Variants in PRKACB observed in about 807,000 individuals in gnomAD.
PRKACB encodes cAMP-dependent protein kinase catalytic subunit beta.
A neutral mutation model predicts 51.4 loss-of-function variants in PRKACB; 16 were observed. The observed-to-expected ratio is 0.31, with a 90% CI of 0.21 to 0.47. PRKACB has a LOEUF of 0.47. Among genes scored for constraint, PRKACB ranks in the 20% least tolerant of loss-of-function variants. The probability of loss-of-function intolerance (pLI) is 1.00; values close to 1 mark genes in which losing one functional copy is unlikely to be tolerated. For synonymous variants in PRKACB, 147 were observed against 154.4 expected (o/e 0.95, Z 0.35); for missense variants, 309 against 464.5 (o/e 0.67, Z 3.08).
At chr1:84,085,977 T>C (rs1647945743) in intron 1 of PRKACB, 1 of 712,788 alleles carries the variant, frequency 1.4e-6, no homozygotes, top group Non-Finnish European at 2.6e-6. Context: ...ACGCCAGTGC[T>C]TGTGGATTTC....
chr1:84,184,278 T>C (rs1412277460), intron 4 of PRKACB, 143 bp downstream of exon 4: 1 of 683,052 alleles, frequency 1.5e-6, no homozygotes, highest in Non-Finnish European at 2.2e-6. Flanking sequence ...TGTAATTAAA[T>C]CCTATTGTGC....
At chr1:84,224,049 A>G (rs1257541044) in intron 9 of PRKACB, among the ~76,000 whole-genome samples, 1 of 152,158 alleles carries the variant, frequency 6.6e-6, no homozygotes, top group Non-Finnish European at 1.5e-5. Context: ...TTCTGGGTGC[A>G]TGCAGTAGTG....
intron 1 of PRKACB, among the ~76,000 whole-genome samples, chr1:84,135,201 A>C (rs1652677116): frequency 6.6e-6 from 1 of 152,184 alleles, no homozygotes; most frequent in Admixed American, 6.5e-5. Context: ...TTACATACGT[A>C]TTTGGCAGTC....
At chr1:84,156,812 T>G (rs965456109) in intron 1 of PRKACB, among the ~76,000 whole-genome samples, 1 of 152,232 alleles carries the variant, frequency 6.6e-6, no homozygotes, top group Non-Finnish European at 1.5e-5. Flanking sequence ...CTGATTTCAG[T>G]GACCTCTTAT....
chr1:84,190,548 TTAAATCAG>T (rs1666462867), intron 5 of PRKACB, among the ~76,000 whole-genome samples: 1 of 152,032 alleles, frequency 6.6e-6, no homozygotes, highest in African/African-American at 2.4e-5. Flanking sequence ...TACACGTTTA[TTAAATCAG>T]TAATATTAAA....
chr1:84,139,522 G>A (rs1479451264), upstream of PRKACB, among the ~76,000 whole-genome samples: 1 of 152,156 alleles, frequency 6.6e-6, no homozygotes, highest in Non-Finnish European at 1.5e-5. Flanking sequence ...ACAAAATTAT[G>A]TGCAAGATCT....
chr1:84,110,214 A>ATAATAAAC (rs1278962622), intron 1 of PRKACB, among the ~76,000 whole-genome samples: 2 of 151,990 alleles, frequency 1.3e-5, no homozygotes, highest in African/African-American at 4.8e-5. Flanking sequence ...ATAACAATAC[A>ATAATAAAC]ACAATATGAA....
At chr1:84,205,009 C>A in intron 8 of PRKACB, 1 of 983,606 alleles carries the variant, frequency 1.0e-6, no homozygotes, top group Non-Finnish European at 1.2e-6. Context: ...AAATCCTGGG[C>A]ACCTTAGAAG....
At chr1:84,178,674 C>A (rs1484473745) in intron 1 of PRKACB, among the ~76,000 whole-genome samples, 3 of 151,806 alleles carry the variant, frequency 2.0e-5, no homozygotes, top group Non-Finnish European at 2.9e-5. Flanking sequence ...TTTATTTTTT[C>A]CCTTTGCCAT....
At chr1:84,139,163 A>G (rs558963219) in intron 1 of PRKACB, among the ~76,000 whole-genome samples, 9 of 152,328 alleles carry the variant, frequency 5.9e-5, no homozygotes, top group African/African-American at 1.7e-4. Flanking sequence ...ACCTTGTTCA[A>G]CATTGCACTG....
At position 84,238,377 on chromosome 1, in the gene PRKACB, T is replaced by C. The variant is rs1676842263; in HGVS notation, c.*3072T>C. 1 of 152,618 alleles carries C rather than the reference T, an allele frequency of 6.6e-6. No homozygotes were observed. The highest frequency in any genetic ancestry group is 1.9e-4 in the East Asian group (1 of 5,196). The allele number at this position is 152,618 out of a possible 1,614,324, so 9.5% of individuals were successfully genotyped here. On this transcript the variant is annotated 3_prime_UTR_variant, in exon 10 of 10. Transcript: ENST00000370685. ...TTAAGGTGTGTTGTTATTTCATTAA[T>C]TACTTCTTTGTTTAGAATGGAATTT...
chr1:84,219,299 G>A (rs181385670), intron 9 of PRKACB, among the ~76,000 whole-genome samples: 13 of 149,716 alleles, frequency 8.7e-5, no homozygotes, highest in African/African-American at 1.5e-4. Context: ...ATCTCGGCTC[G>A]CTGCACCCTC....
At chr1:84,152,628 A>G (rs148438368) in intron 1 of PRKACB, among the ~76,000 whole-genome samples, 89 of 152,296 alleles carry the variant, frequency 5.8e-4, no homozygotes, top group African/African-American at 2.1e-3. Context: ...TCTTTCCTTT[A>G]AACCTCATGA....
chr1:84,197,329 A>G (rs1572333813), intron 6 of PRKACB, among the ~76,000 whole-genome samples: 1 of 152,146 alleles, frequency 6.6e-6, no homozygotes, highest in African/African-American at 2.4e-5. Context: ...AGATTCTCCC[A>G]TTGACGTTTT....
chr1:84,206,646 G>T (rs1278464164), intron 8 of PRKACB, among the ~76,000 whole-genome samples: 2 of 152,148 alleles, frequency 1.3e-5, no homozygotes, highest in Non-Finnish European at 2.9e-5. Flanking sequence ...GTTTTCATTG[G>T]GGGTTGGTCA....
rs537117158 is a variant in PRKACB, at chr1:84,128,532, C to T, written c.46+50161C>T. ...TTCCAGTGTTTAGACTTTTAAAAAACGATTTGAAAAAATATGATATTGAAG... is the reference window on the plus strand; with the variant it reads ...TTCCAGTGTTTAGACTTTTAAAAAATGATTTGAAAAAATATGATATTGAAG... On this transcript the variant is annotated intron_variant, in intron 1 of 8. Transcript: ENST00000370688. Among the ~76,000 whole-genome samples the T allele has an allele frequency of 6.6e-5, 10 of 152,108 alleles. No homozygotes were observed. The East Asian group carries it at 1.2e-3, about 18-fold the overall frequency.
chr1:84,079,513 A>G (rs903523441), intron 1 of PRKACB, among the ~76,000 whole-genome samples: 16 of 152,320 alleles, frequency 1.1e-4, no homozygotes, highest in African/African-American at 3.9e-4. Context: ...ACATAAATAT[A>G]TCAGATTATG....
chr1:84,188,702 A>G (rs1352811787), intron 5 of PRKACB, among the ~76,000 whole-genome samples: 1 of 151,956 alleles, frequency 6.6e-6, no homozygotes, highest in African/African-American at 2.4e-5. Context: ...TAATTTAAAA[A>G]TAAATCTAAT....
At chr1:84,138,686 C>T (rs1353098208) in intron 1 of PRKACB, among the ~76,000 whole-genome samples, 1 of 152,032 alleles carries the variant, frequency 6.6e-6, no homozygotes, top group Non-Finnish European at 1.5e-5. Flanking sequence ...TTTTGTGAAG[C>T]CAATCTTAAC....
Sources: allele counts gnomAD v4.1 joint callset (sites outside exome capture counted in the v4.1 genomes callset), GRCh38; gene constraint gnomAD v4.1.1; transcripts MANE v1.5; gene names NCBI Gene and HGNC (gene_info 2026-07-23, HGNC 2026-07-21).